URI1: variants seen among roughly 807,000 people sequenced by gnomAD.
URI1 encodes the protein URI1 prefoldin like chaperone.
A neutral mutation model predicts 60.2 loss-of-function variants in URI1; 39 were observed. The ratio of observed to expected loss-of-function variants is 0.65; its 90% CI spans 0.50 to 0.85. The LOEUF is 0.85. Ranked by LOEUF, URI1 falls within the 40% of genes least tolerant of loss-of-function variation. The pLI is 0.00. For missense variants in URI1, 691 were observed against 665.9 expected (o/e 1.04, Z -0.42); for synonymous variants, 251 against 236.8 (o/e 1.06, Z -0.55).
chr19:30,011,194 C>T lies in URI1; in HGVS notation c.1136C>T (p.Ala379Val), dbSNP rs762620133. The T allele has an allele frequency of 1.9e-6, 3 of 1,610,948 alleles. No homozygotes were observed. Among genetic ancestry groups the T allele is most frequent in the Non-Finnish European group, 2.5e-6 (3 of 1,178,874 alleles). ...RKNSTGSGHS[A>V]QELPTIRTPA... ...AACAGCACTGGCAGTGGCCACTCTG[C>T]CCAGGAGCTGCCGACCATCAGGACG... Residue 379 changes from alanine to valine, a missense_variant, in exon 9 of 11, where the codon GCC becomes GTC. By Grantham distance (64) the Ala-to-Val change is moderately conservative (BLOSUM62 0). Transcript: ENST00000392271.
intron 1 of URI1, among the ~76,000 whole-genome samples, chr19:29,954,389 G>A (rs2055216925): frequency 1.3e-5 from 2 of 151,574 alleles, no homozygotes; most frequent in African/African-American, 4.9e-5. Context: ...TCACTTAATT[G>A]CATTTTATGA....
intron 1 of URI1, among the ~76,000 whole-genome samples, chr19:29,953,471 A>G (rs1440253137): frequency 2.0e-5 from 3 of 152,086 alleles, no homozygotes; most frequent in South Asian, 2.1e-4. Flanking sequence ...TCCTCTTTCC[A>G]TTATAGGCAG....
chr19:30,013,340 C>G (rs1273853996), intron 10 of URI1, among the ~76,000 whole-genome samples: 1 of 152,082 alleles, frequency 6.6e-6, no homozygotes, highest in Non-Finnish European at 1.5e-5. Context: ...TGGTATTATA[C>G]TCAGTGTATT....
At chr19:30,006,744 C>T (rs1031835272) in intron 6 of URI1, among the ~76,000 whole-genome samples, 3 of 152,088 alleles carry the variant, frequency 2.0e-5, no homozygotes, top group Admixed American at 2.0e-4. Flanking sequence ...CTTCCCATTA[C>T]TTTCCCATTA....
intron 4 of URI1, among the ~76,000 whole-genome samples, chr19:29,993,673 T>C (rs891148761): frequency 6.6e-6 from 1 of 152,146 alleles, no homozygotes; most frequent in African/African-American, 2.4e-5. Context: ...TTTTTAAAAA[T>C]TATTTTTTTA....
At chr19:29,946,738 G>A (rs946728997) in intron 1 of URI1, among the ~76,000 whole-genome samples, 4 of 152,190 alleles carry the variant, frequency 2.6e-5, no homozygotes, top group Non-Finnish European at 5.9e-5. Flanking sequence ...TGTCAGCCAC[G>A]TAGGCCATAT....
At chr19:29,953,697 T>TA (rs1182766522) in intron 1 of URI1, among the ~76,000 whole-genome samples, 1 of 151,694 alleles carries the variant, frequency 6.6e-6, no homozygotes, top group Non-Finnish European at 1.5e-5. Flanking sequence ...ATTAGTTTTT[T>TA]TTTTTTAGAG....
chr19:29,996,203 T>C (rs1261229023), intron 4 of URI1, among the ~76,000 whole-genome samples: 2 of 152,204 alleles, frequency 1.3e-5, no homozygotes, highest in African/African-American at 4.8e-5. Flanking sequence ...ATGGGTAGTA[T>C]TGACATCCTA....
chr19:29,967,513 G>A (rs966482952), intron 1 of URI1, among the ~76,000 whole-genome samples: 1 of 152,206 alleles, frequency 6.6e-6, no homozygotes, highest in Non-Finnish European at 1.5e-5. Flanking sequence ...GGCATTGGAA[G>A]AAATAAGGAT....
intron 1 of URI1, among the ~76,000 whole-genome samples, chr19:29,931,910 T>TG (rs745589583): frequency 7.1e-6 from 1 of 139,992 alleles, no homozygotes; most frequent in Non-Finnish European, 1.5e-5. Flanking sequence ...GCTCTAACAG[T>TG]TGTGTGTGTG....
At chr19:30,000,819 C>T (rs1260124711) in intron 4 of URI1, among the ~76,000 whole-genome samples, 1 of 151,860 alleles carries the variant, frequency 6.6e-6, no homozygotes, top group Non-Finnish European at 1.5e-5. Flanking sequence ...CTTAAGTCCT[C>T]CAGCCGTGGG....
At chr19:29,970,865 T>C (rs10423975) in intron 1 of URI1, among the ~76,000 whole-genome samples, 2,471 of 152,226 alleles carry the variant, frequency 0.016, 73 homozygotes, top group African/African-American at 0.057. Context: ...ACAAAATATG[T>C]AATATTGAAA....
At chr19:29,992,271 T>C (rs1424444517) in intron 4 of URI1, among the ~76,000 whole-genome samples, 4 of 152,304 alleles carry the variant, frequency 2.6e-5, no homozygotes, top group African/African-American at 7.2e-5. Context: ...GGTTTCACCA[T>C]GTTGGCTAGG....
rs2056031814 is a variant in URI1 at position 30,012,344 on chromosome 19, G to A, written c.1238G>A (p.Arg413Gln). The A allele has an allele frequency of 1.9e-6, 3 of 1,614,030 alleles. No homozygotes were observed. Among genetic ancestry groups the A allele is most frequent in the African/African-American group, 1.3e-5 (1 of 74,920 alleles). Residue 413 changes from arginine (R) to glutamine (Q), a missense_variant, in exon 10 of 11, where the codon CGA becomes CAA. Transcript: ENST00000392271. ...YVPRKSILKS[R>Q]SRENSVCSDT... ...CCTCGCAAATCCATCCTGAAGTCTC[G>A]AAGTAGAGAGAATAGTGTGTGTAGC...
At chr19:29,950,403 T>C (rs887199348) in intron 1 of URI1, among the ~76,000 whole-genome samples, 2 of 152,130 alleles carry the variant, frequency 1.3e-5, no homozygotes, top group Non-Finnish European at 2.9e-5. Flanking sequence ...GATGTCTCAA[T>C]CTTTTTAGTC....
chr19:29,995,727 T>G (rs918780451), intron 4 of URI1, among the ~76,000 whole-genome samples: 1 of 150,704 alleles, frequency 6.6e-6, no homozygotes, highest in Non-Finnish European at 1.5e-5. Context: ...TTCCCTGTGT[T>G]TTTTTTTTTG....
At chr19:29,954,938 CT>C (rs1423581996) in intron 1 of URI1, among the ~76,000 whole-genome samples, 1 of 152,002 alleles carries the variant, frequency 6.6e-6, no homozygotes, top group African/African-American at 2.4e-5. Flanking sequence ...CTTATTTTGC[CT>C]TTTGTTCATC....
chr19:29,949,645 C>T (rs1272822315), intron 1 of URI1, among the ~76,000 whole-genome samples: 3 of 152,250 alleles, frequency 2.0e-5, no homozygotes, highest in Admixed American at 1.3e-4. Context: ...AACGAGACTC[C>T]GTCTGCAATC....
chr19:29,948,326 T>C (rs1273542306), intron 1 of URI1, among the ~76,000 whole-genome samples: 1 of 152,228 alleles, frequency 6.6e-6, no homozygotes, highest in Non-Finnish European at 1.5e-5. Context: ...GGGTCAACTT[T>C]TAAACATTTA....
Sources: gnomAD v4.1 joint callset for allele counts (sites outside exome capture counted in the v4.1 genomes callset) on GRCh38, gnomAD v4.1.1 for gene constraint, MANE v1.5 for transcripts, NCBI Gene and HGNC (gene_info 2026-07-23, HGNC 2026-07-21) for gene names.